The following FGF12 variants were observed in gnomAD, a reference collection of about 807,000 sequenced individuals.
The protein encoded by FGF12 is fibroblast growth factor 12.
In FGF12, 14 loss-of-function variants were observed where a neutral mutation model predicts 23.6. The observed-to-expected ratio is 0.59, with a 90% CI of 0.39 to 0.93. FGF12 has a LOEUF of 0.93. Among genes scored for constraint, FGF12 ranks in the 40% least tolerant of loss-of-function variants. The pLI, the probability that FGF12 is intolerant of heterozygous loss-of-function variation, is 0.00. For synonymous variants in FGF12, 62 were observed against 77.3 expected (o/e 0.80, Z 1.04); for missense variants, 175 against 217.8 (o/e 0.80, Z 1.24).
chr3:192,585,506 G>A (rs770571771), intron 2 of FGF12, among the ~76,000 whole-genome samples: 17 of 152,032 alleles, frequency 1.1e-4, no homozygotes, highest in Non-Finnish European at 2.2e-4. Context: ...GAGATTCTAG[G>A]CTCAGTGATT....
intron 4 of FGF12, among the ~76,000 whole-genome samples, chr3:192,253,421 A>T (rs1045336951): frequency 5.3e-5 from 8 of 152,062 alleles, no homozygotes; most frequent in African/African-American, 1.9e-4. Flanking sequence ...CAACAAGGAG[A>T]GAGGGAGGAA....
chr3:192,512,835 A>AATAAAT (rs35779279), intron 2 of FGF12, among the ~76,000 whole-genome samples: 1 of 76,778 alleles, frequency 1.3e-5, no homozygotes, highest in African/African-American at 6.4e-5. Flanking sequence ...TACTCAAATA[A>AATAAAT]ATATATATAT....
intron 2 of FGF12, among the ~76,000 whole-genome samples, chr3:192,475,917 T>TGATAGATGATATA (rs1356131980): frequency 6.6e-6 from 1 of 151,248 alleles, no homozygotes; most frequent in Non-Finnish European, 1.5e-5. Flanking sequence ...TAGATATAGA[T>TGATAGATGATATA]GATAGATGAT....
At chr3:192,343,853 A>G (rs1360891220) in intron 3 of FGF12, among the ~76,000 whole-genome samples, 1 of 152,208 alleles carries the variant, frequency 6.6e-6, no homozygotes, top group Non-Finnish European at 1.5e-5. Flanking sequence ...GCATTTCAAA[A>G]TAAAGCCTAA....
At position 192,233,091 on chromosome 3, in the gene FGF12, A is replaced by G. The variant is rs186444014; in HGVS notation, c.229-62435T>C. Among the ~76,000 whole-genome samples, 10 of 152,286 alleles carry G rather than the reference A, an allele frequency of 6.6e-5. No homozygotes were observed. The East Asian group carries it at 1.9e-3, about 29-fold the overall frequency. Reference sequence around the variant, plus strand: ...TTCACTAAAGGGATTGCTGGGTTCAATGATAGCTCTGGTTTAAGTTCTTTG... The same window carrying G: ...TTCACTAAAGGGATTGCTGGGTTCAGTGATAGCTCTGGTTTAAGTTCTTTG... On this transcript the variant is annotated intron_variant, in intron 4 of 5. Coordinates refer to ENST00000445105, the MANE Select transcript of FGF12 (RefSeq NM_004113.6).
chr3:192,369,915 T>G (rs1003475854), intron 2 of FGF12, among the ~76,000 whole-genome samples: 3 of 152,142 alleles, frequency 2.0e-5, no homozygotes, highest in Non-Finnish European at 4.4e-5. Flanking sequence ...GGATGGCAGG[T>G]TCTGGGACAA....
At chr3:192,232,999 T>C (rs1349230935) in intron 4 of FGF12, among the ~76,000 whole-genome samples, 2 of 152,226 alleles carry the variant, frequency 1.3e-5, no homozygotes, top group African/African-American at 4.8e-5. Context: ...TTGTGAATAA[T>C]GCTACAGTGA....
At chr3:192,380,867 A>C (rs1034754342) in intron 2 of FGF12, among the ~76,000 whole-genome samples, 1 of 151,700 alleles carries the variant, frequency 6.6e-6, no homozygotes, top group Non-Finnish European at 1.5e-5. Context: ...TCTAGTACTC[A>C]TTTTTAAACA....
chr3:192,258,289 C>T (rs1712531952), intron 4 of FGF12, among the ~76,000 whole-genome samples: 1 of 152,090 alleles, frequency 6.6e-6, no homozygotes, highest in Non-Finnish European at 1.5e-5. Context: ...AAAACCCCAT[C>T]TCTACTAGAA....
At chr3:192,584,767 C>T (rs918206072) in intron 2 of FGF12, among the ~76,000 whole-genome samples, 43 of 152,024 alleles carry the variant, frequency 2.8e-4, no homozygotes, top group Non-Finnish European at 5.9e-5. Flanking sequence ...TTTCTCTGCT[C>T]TCTCTGCTTG....
intron 2 of FGF12, among the ~76,000 whole-genome samples, chr3:192,400,884 C>T (rs1477714676): frequency 6.6e-6 from 1 of 152,132 alleles, no homozygotes; most frequent in East Asian, 1.9e-4. Flanking sequence ...TTTTTATATC[C>T]ATGGCCATCA....
At chr3:192,224,386 C>A (rs1001970506) in intron 4 of FGF12, among the ~76,000 whole-genome samples, 1 of 152,050 alleles carries the variant, frequency 6.6e-6, no homozygotes, top group Admixed American at 6.6e-5. Flanking sequence ...TCTAGCCAAT[C>A]CTTGTTTTAT....
At chr3:192,445,978 C>CA (rs1722342296) in intron 2 of FGF12, among the ~76,000 whole-genome samples, 1 of 152,170 alleles carries the variant, frequency 6.6e-6, no homozygotes, top group African/African-American at 2.4e-5. Flanking sequence ...ACAAAGGAGA[C>CA]AGTCATCTGT....
chr3:192,362,364 T>C (rs1718770558), intron 2 of FGF12, among the ~76,000 whole-genome samples: 1 of 152,208 alleles, frequency 6.6e-6, no homozygotes, highest in Non-Finnish European at 1.5e-5. Flanking sequence ...ATTAGGTATT[T>C]CTCCTAATGC....
chr3:192,671,679 A>G (rs1717125548), intron 2 of FGF12, among the ~76,000 whole-genome samples: 1 of 152,102 alleles, frequency 6.6e-6, no homozygotes, highest in Admixed American at 6.6e-5. Context: ...AAATGGGATA[A>G]CTCTTTATAC....
At chr3:192,192,354 T>C (rs990916766) in intron 4 of FGF12, among the ~76,000 whole-genome samples, 2 of 150,832 alleles carry the variant, frequency 1.3e-5, no homozygotes, top group Non-Finnish European at 3.0e-5. Flanking sequence ...ATTCAAATTA[T>C]ATATACACAT....
intron 2 of FGF12, among the ~76,000 whole-genome samples, chr3:192,704,240 CTT>C (rs1718394690): frequency 2.0e-5 from 3 of 152,236 alleles, no homozygotes; most frequent in South Asian, 4.1e-4. Context: ...CATAATTACT[CTT>C]TGATCCATAG....
chr3:192,458,124 C>A (rs191693909), intron 2 of FGF12, among the ~76,000 whole-genome samples: 1 of 152,198 alleles, frequency 6.6e-6, no homozygotes, highest in Non-Finnish European at 1.5e-5. Flanking sequence ...TGTATGGAAA[C>A]GCCTGGATGC....
At chr3:192,662,041 G>C (rs982645624) in intron 2 of FGF12, among the ~76,000 whole-genome samples, 5 of 152,174 alleles carry the variant, frequency 3.3e-5, no homozygotes, top group African/African-American at 1.2e-4. Context: ...GACTCAGCCT[G>C]AGTGGGCTTC....
Sources: gnomAD v4.1 joint callset for allele counts (sites outside exome capture counted in the v4.1 genomes callset) on GRCh38, gnomAD v4.1.1 for gene constraint, MANE v1.5 for transcripts, NCBI Gene and HGNC (gene_info 2026-07-23, HGNC 2026-07-21) for gene names.